EPHA6: variants seen among roughly 807,000 people sequenced by gnomAD.
The protein encoded by EPHA6 is EPH receptor A6.
EPHA6 carries 50 observed loss-of-function variants against 112.0 expected under a neutral mutation model. The ratio of observed to expected loss-of-function variants is 0.45; its 90% CI spans 0.36 to 0.56. The LOEUF (loss-of-function observed/expected upper bound fraction) is 0.56. EPHA6 is among the 20% of genes least tolerant of loss of function. EPHA6 has a pLI of 0.00. For synonymous variants in EPHA6, 529 were observed against 490.7 expected (o/e 1.08, Z -1.03); for missense variants, 1,280 against 1,417.4 (o/e 0.90, Z 1.56).
intron 10 of EPHA6, among the ~76,000 whole-genome samples, chr3:97,529,634 A>AT (rs1000196926): frequency 4.0e-5 from 6 of 151,562 alleles, no homozygotes; most frequent in East Asian, 1.9e-4. Flanking sequence ...TTAATTTAAA[A>AT]TTTTTTTTTC....
chr3:97,261,186 G>T (rs1365929003), intron 5 of EPHA6, among the ~76,000 whole-genome samples: 1 of 152,126 alleles, frequency 6.6e-6, no homozygotes, highest in Non-Finnish European at 1.5e-5. Context: ...GGGGTGGGCA[G>T]CATTTATTAT....
chr3:97,692,186 G>A (rs1214723782), intron 14 of EPHA6, among the ~76,000 whole-genome samples: 3 of 152,032 alleles, frequency 2.0e-5, no homozygotes, highest in Admixed American at 1.3e-4. Context: ...TTTTTATTTA[G>A]ATTGTGTCCT....
chr3:97,522,686 G>A lies in EPHA6; in HGVS notation c.2201-9672G>A, dbSNP rs144872536. On this transcript the variant is annotated intron_variant, in intron 10 of 17. Transcript: ENST00000389672. Reference sequence around the variant, plus strand: ...AGTAATAAAGTCTGGGCTTTTCTTTGATGGGAGATTTTTTAGTGTTGATTC... The same window carrying A: ...AGTAATAAAGTCTGGGCTTTTCTTTAATGGGAGATTTTTTAGTGTTGATTC... Among the ~76,000 whole-genome samples the A allele has an allele frequency of 3.0e-3, 457 of 152,148 alleles. 2 individuals are homozygous for A. The highest frequency in any genetic ancestry group is 0.01 in the African/African-American group (431 of 41,526).
At chr3:96,882,900 T>G (rs2037409385) in intron 2 of EPHA6, among the ~76,000 whole-genome samples, 1 of 152,132 alleles carries the variant, frequency 6.6e-6, no homozygotes, top group South Asian at 2.1e-4. Context: ...CGTGTGCGAG[T>G]ATGTTTTTTG....
chr3:96,965,069 G>C (rs1479330198), intron 2 of EPHA6, among the ~76,000 whole-genome samples: 1 of 152,148 alleles, frequency 6.6e-6, no homozygotes, highest in Non-Finnish European at 1.5e-5. Flanking sequence ...CAGCTAGATT[G>C]GTTGCAGGTT....
chr3:97,200,734 A>G (rs751082632), intron 3 of EPHA6, among the ~76,000 whole-genome samples: 34 of 152,130 alleles, frequency 2.2e-4, no homozygotes, highest in Non-Finnish European at 4.1e-4. Context: ...ATGGCTGTGT[A>G]TTAGGAATAA....
chr3:96,995,406 C>T (rs573942220), intron 3 of EPHA6, among the ~76,000 whole-genome samples: 1 of 152,136 alleles, frequency 6.6e-6, no homozygotes, highest in East Asian at 1.9e-4. Context: ...AATATAAACT[C>T]TTATATTATA....
At chr3:97,131,014 A>T (rs770927048) in intron 3 of EPHA6, among the ~76,000 whole-genome samples, 23 of 152,140 alleles carry the variant, frequency 1.5e-4, no homozygotes, top group Non-Finnish European at 3.4e-4. Flanking sequence ...TCATTATTCC[A>T]TCAGGAAAAA....
intron 10 of EPHA6, among the ~76,000 whole-genome samples, chr3:97,521,367 C>T (rs1367966102): frequency 6.6e-6 from 1 of 152,026 alleles, no homozygotes; most frequent in African/African-American, 2.4e-5. Flanking sequence ...ATACCTGAGA[C>T]TGGGTAATTC....
intron 3 of EPHA6, among the ~76,000 whole-genome samples, chr3:97,004,936 T>A (rs2107918582): frequency 6.6e-6 from 1 of 152,290 alleles, no homozygotes; most frequent in South Asian, 2.1e-4. Flanking sequence ...TGTGTGGTGT[T>A]ATTTCTGAGG....
intron 3 of EPHA6, among the ~76,000 whole-genome samples, chr3:97,019,138 A>T (rs2044365973): frequency 6.6e-6 from 1 of 152,202 alleles, no homozygotes; most frequent in African/African-American, 2.4e-5. Context: ...ATCATATCTA[A>T]GATCTATATC....
chr3:97,705,579 C>T (rs1212571098), intron 14 of EPHA6, among the ~76,000 whole-genome samples: 2 of 152,112 alleles, frequency 1.3e-5, no homozygotes. Context: ...GTCTCTGCCT[C>T]AGGGAATTTA....
At position 97,281,207 on chromosome 3, in the gene EPHA6, G is replaced by A. The variant is rs902028390; in HGVS notation, c.1606+36920G>A. Among the ~76,000 whole-genome samples, 11 of 135,522 alleles carry A rather than the reference G, an allele frequency of 8.1e-5. No individual in the cohort carries two copies. In the South Asian group the frequency reaches 2.3e-3, roughly 29 times the overall value. 88.9% of individuals were successfully genotyped at this position (135,522 alleles called of 152,430 possible). A position where few individuals can be genotyped will look rare whatever the true frequency, so the allele number is the denominator to read the frequency against. ...TCATTAATTCAAAGAGTCTATGTGTGTGTGTGTGTGTGTGTGTGTGTGCGC... is the reference window on the plus strand; with the variant it reads ...TCATTAATTCAAAGAGTCTATGTGTATGTGTGTGTGTGTGTGTGTGTGCGC... On this transcript the variant is annotated intron_variant, in intron 5 of 17. Coordinates refer to ENST00000389672, the MANE Select transcript of EPHA6 (RefSeq NM_001080448.3).
intron 3 of EPHA6, among the ~76,000 whole-genome samples, chr3:97,172,870 G>C (rs1208899957): frequency 6.6e-6 from 1 of 151,830 alleles, no homozygotes; most frequent in East Asian, 1.9e-4. Context: ...GTAGTTTTAG[G>C]AAATCAACAG....
At chr3:97,055,273 A>G (rs2045815852) in intron 3 of EPHA6, among the ~76,000 whole-genome samples, 1 of 152,130 alleles carries the variant, frequency 6.6e-6, no homozygotes, top group African/African-American at 2.4e-5. Flanking sequence ...TTCACATTAA[A>G]GTCTGAGAAC....
At chr3:96,937,822 A>G (rs1056805360) in intron 2 of EPHA6, among the ~76,000 whole-genome samples, 20 of 152,170 alleles carry the variant, frequency 1.3e-4, no homozygotes, top group Non-Finnish European at 2.4e-4. Flanking sequence ...AGCTTTCTAC[A>G]TATGGCTAGC....
At chr3:96,930,774 C>T (rs777140190) in intron 2 of EPHA6, among the ~76,000 whole-genome samples, 1 of 151,864 alleles carries the variant, frequency 6.6e-6, no homozygotes, top group Non-Finnish European at 1.5e-5. Flanking sequence ...GGCAGATCAC[C>T]TAAGGTCAGG....
intron 6 of EPHA6, among the ~76,000 whole-genome samples, chr3:97,445,257 C>T (rs775549181): frequency 1.3e-5 from 2 of 152,044 alleles, no homozygotes; most frequent in Non-Finnish European, 2.9e-5. Context: ...CACTTTCAGC[C>T]GACAAGCATT....
intron 15 of EPHA6, among the ~76,000 whole-genome samples, chr3:97,723,270 C>A (rs895140566): frequency 1.1e-4 from 16 of 152,134 alleles, no homozygotes; most frequent in African/African-American, 3.1e-4. Context: ...TCAACATAGT[C>A]CACCATGTAA....
Sources: gnomAD v4.1 joint callset for allele counts (sites outside exome capture counted in the v4.1 genomes callset) on GRCh38, gnomAD v4.1.1 for gene constraint, MANE v1.5 for transcripts, NCBI Gene and HGNC (gene_info 2026-07-23, HGNC 2026-07-21) for gene names.